Variants in CYREN observed in about 807,000 individuals in gnomAD.
The protein encoded by CYREN is cell cycle regulator of non-homologous end joining.
Under a neutral mutation model 9.7 loss-of-function variants are expected in CYREN, and 7 were observed. The ratio of observed to expected loss-of-function variants is 0.72; its 90% CI spans 0.41 to 1.36. The LOEUF is 1.36. Among genes scored for constraint, CYREN ranks in the 40% most tolerant of loss-of-function variants. The pLI is 0.01. For synonymous variants in CYREN, 76 were observed against 77.9 expected (o/e 0.98, Z 0.13); for missense variants, 215 against 198.1 (o/e 1.09, Z -0.51).
chr7:135,107,344 G>A (rs1226432462), intron 2 of CYREN, among the ~76,000 whole-genome samples: 3 of 151,898 alleles, frequency 2.0e-5, no homozygotes, highest in Non-Finnish European at 4.4e-5. Context: ...TTCTGATATG[G>A]GCATTTAGTG....
intron 2 of CYREN, 86 bp from the exon 3 acceptor site, chr7:135,167,893 C>T (rs1184596879): frequency 4.4e-6 from 7 of 1,590,996 alleles, no homozygotes; most frequent in Non-Finnish European, 6.0e-6. Flanking sequence ...GGGCCTCTTC[C>T]CCCTGCCTTC....
rs1005244309 is a variant in CYREN at position 135,167,104 on chromosome 7, G to A, written c.214-233C>T. 1.1e-5 allele frequency: 11 copies of A among 985,264 alleles called. No homozygotes were observed. The African/African-American group carries it at 1.9e-4, about 17-fold the overall frequency. 61.0% of individuals were successfully genotyped at this position (985,264 alleles called of 1,614,324 possible). A position where few individuals can be genotyped will look rare whatever the true frequency, so the allele number is the denominator to read the frequency against. ...CCACTCGGGAGAGAAGCAAGCAAAG[G>A]CATGAGGATTAGCTGAGGGGAAAGG... On this transcript the variant is annotated intron_variant, in intron 3 of 3. Transcript: ENST00000393114.
At chr7:135,150,391 C>T (rs1293218141) in intron 2 of CYREN, among the ~76,000 whole-genome samples, 1 of 152,158 alleles carries the variant, frequency 6.6e-6, no homozygotes, top group Non-Finnish European at 1.5e-5. Context: ...TTAAAAAATA[C>T]ATTTGGTGTT....
chr7:135,128,444 T>C (rs1828260829), intron 2 of CYREN: 2 of 715,866 alleles, frequency 2.8e-6, no homozygotes, highest in Non-Finnish European at 2.6e-6. Context: ...GAAAATTAAA[T>C]GTCAGAAGAC....
chr7:135,158,295 A>G (rs1829844647), intron 2 of CYREN, among the ~76,000 whole-genome samples: 1 of 152,244 alleles, frequency 6.6e-6, no homozygotes, highest in Non-Finnish European at 1.5e-5. Flanking sequence ...TGTGCATAGG[A>G]CAGCCTGATT....
At chr7:135,169,876 G>A (rs1830522184) in intron 1 of CYREN, among the ~76,000 whole-genome samples, 2 of 152,202 alleles carry the variant, frequency 1.3e-5, no homozygotes, top group Non-Finnish European at 2.9e-5. Context: ...TGCTCATCCA[G>A]ATGGCTGTTT....
chr7:135,164,684 C>T (rs1430909400), downstream of CYREN: 1 of 1,614,084 alleles, frequency 6.2e-7, no homozygotes, highest in East Asian at 2.2e-5. Flanking sequence ...TTGGCCTGGG[C>T]CTGGCCAGGC....
intron 2 of CYREN, chr7:135,134,836 T>C: frequency 1.3e-6 from 2 of 1,548,252 alleles, no homozygotes; most frequent in Admixed American, 2.0e-5. Flanking sequence ...TCATTTCTTT[T>C]CTAGACTAAA....
chr7:135,094,066 C>T lies in CYREN; in HGVS notation n.873G>A, dbSNP rs529136855. 235 of 199,300 alleles carry T rather than the reference C, an allele frequency of 1.2e-3. 1 individual carries two copies. Among genetic ancestry groups the T allele is most frequent in the Non-Finnish European group, 1.7e-3 (168 of 96,936 alleles). 12.3% of individuals were successfully genotyped at this position (199,300 alleles called of 1,614,324 possible). On this transcript the variant is annotated non_coding_transcript_exon_variant, in exon 3 of 3. Coordinates refer to the CYREN transcript ENST00000459937. Reference sequence around the variant, plus strand: ...CCACATGCAAAAGAATGAAGTTGGCCGTGTTCCTTATACCATACACTAAAA... The same window carrying T: ...CCACATGCAAAAGAATGAAGTTGGCTGTGTTCCTTATACCATACACTAAAA...
upstream of CYREN, chr7:135,170,815 C>CG (rs35430474): frequency 1.3e-5 from 2 of 152,102 alleles, no homozygotes; most frequent in Non-Finnish European, 2.9e-5. Flanking sequence ...TCCCGGCGCC[C>CG]GGGACACTTC....
At chr7:135,143,270 C>G (rs933630371) in intron 2 of CYREN, among the ~76,000 whole-genome samples, 1 of 152,106 alleles carries the variant, frequency 6.6e-6, no homozygotes, top group African/African-American at 2.4e-5. Context: ...AAATAACAGA[C>G]AGATCAATGA....
chr7:135,160,408 A>G (rs1386929794), intron 2 of CYREN, among the ~76,000 whole-genome samples: 1 of 152,240 alleles, frequency 6.6e-6, no homozygotes, highest in Admixed American at 6.5e-5. Context: ...GGATTGTTTA[A>G]GAAAAGAAAA....
At chr7:135,172,454 C>A (rs1437002057), upstream of CYREN, among the ~76,000 whole-genome samples, 1 of 74,912 alleles carries the variant, frequency 1.3e-5, no homozygotes. Flanking sequence ...GTGGTGTGAG[C>A]GTGGTATTTT....
At chr7:135,099,910 TG>T (rs1334751976) in intron 2 of CYREN, 1 of 113,524 alleles carries the variant, frequency 8.8e-6, no homozygotes, top group Non-Finnish European at 1.7e-5. Context: ...TTTTTTGAGA[TG>T]GAGTCTCGGT....
chr7:135,109,516 G>T (rs895348168), intron 2 of CYREN, among the ~76,000 whole-genome samples: 3 of 152,158 alleles, frequency 2.0e-5, no homozygotes, highest in Non-Finnish European at 2.9e-5. Context: ...AGTATGCTGG[G>T]GGTCTGCTCC....
At chr7:135,122,657 G>A (rs947238747) in intron 2 of CYREN, among the ~76,000 whole-genome samples, 3 of 152,144 alleles carry the variant, frequency 2.0e-5, no homozygotes, top group Admixed American at 2.0e-4. Context: ...TACCCCTTGA[G>A]GTCAGAGATC....
chr7:135,115,331 T>A (rs113930111), intron 2 of CYREN: 37 of 1,227,884 alleles, frequency 3.0e-5, no homozygotes, highest in Middle Eastern at 4.4e-4. Flanking sequence ...AATAAGTAAT[T>A]GTGAATAGAG....
chr7:135,093,010 T>C (rs1212572504), exon 3 of CYREN: 1 of 149,670 alleles, frequency 6.7e-6, no homozygotes, highest in Non-Finnish European at 1.5e-5. Context: ...ACTCAACAAA[T>C]TAGGAAAGAT....
At chr7:135,111,624 A>G (rs138838828) in intron 2 of CYREN, among the ~76,000 whole-genome samples, 14 of 152,026 alleles carry the variant, frequency 9.2e-5, no homozygotes, top group South Asian at 6.2e-4. Flanking sequence ...AAATAGCTCA[A>G]TGAATATCTG....
Sources: allele counts gnomAD v4.1 joint callset (sites outside exome capture counted in the v4.1 genomes callset), GRCh38; gene constraint gnomAD v4.1.1; transcripts MANE v1.5; gene names NCBI Gene and HGNC (gene_info 2026-07-23, HGNC 2026-07-21).